PRIM2: variants seen among roughly 807,000 people sequenced by gnomAD.
PRIM2 encodes DNA primase large subunit.
A neutral mutation model predicts 67.3 loss-of-function variants in PRIM2; 39 were observed. The observed-to-expected ratio is 0.58, with a 90% CI of 0.45 to 0.76. The LOEUF (loss-of-function observed/expected upper bound fraction) is 0.76, where lower values mean the gene tolerates loss of function less well. PRIM2 is among the 30% of genes least tolerant of loss of function. The pLI is 0.00. For synonymous variants in PRIM2, 143 were observed against 198.7 expected, an observed-to-expected ratio of 0.72 and a Z score of 2.36; for missense variants, 398 against 598.7, an observed-to-expected ratio of 0.66 and a Z score of 3.50.
chr6:57,380,089 T>C (rs1769905581), intron 6 of PRIM2, 93 bp downstream of exon 6: 1 of 998,196 alleles, frequency 1.0e-6, no homozygotes, highest in Non-Finnish European at 1.5e-6. Context: ...TTATAGCCTC[T>C]CATCATCACA....
chr6:57,395,542 T>C (rs891756682), intron 7 of PRIM2, among the ~76,000 whole-genome samples: 1 of 152,182 alleles, frequency 6.6e-6, no homozygotes, highest in Admixed American at 6.5e-5. Context: ...GTTATTTGGA[T>C]TTTCTCCCTT....
intron 7 of PRIM2, among the ~76,000 whole-genome samples, chr6:57,486,861 G>C (rs1242493849): frequency 6.6e-6 from 1 of 152,140 alleles, no homozygotes; most frequent in Non-Finnish European, 1.5e-5. Flanking sequence ...TTCTGTGGTT[G>C]GTTATTTATA....
the PRIM2 span, among the ~76,000 whole-genome samples, chr6:57,283,186 TG>T: frequency 1.3e-5 from 2 of 152,216 alleles, no homozygotes; most frequent in African/African-American, 4.8e-5. Flanking sequence ...GCTTTCTGAG[TG>T]CCACTCATAT....
At chr6:57,240,385 G>A in the PRIM2 span, among the ~76,000 whole-genome samples, 2 of 152,192 alleles carry the variant, frequency 1.3e-5, no homozygotes, top group Non-Finnish European at 2.9e-5. Context: ...ACAGGTGTGA[G>A]CCACCACGCC....
In PRIM2 at chr6:57,381,986, A is replaced by G. The variant is rs1197949004; in HGVS notation, c.556-45A>G. ...TACATATGAAGACTTAGGATTTCTT[A>G]ATGACAGGTGCTGACTTATTTTGCC... On this transcript the variant is annotated intron_variant, in intron 6 of 13. Transcript: ENST00000615550. 4 of 1,556,076 alleles carry G rather than the reference A, an allele frequency of 2.6e-6. No individual in the cohort carries two copies. In the South Asian group the frequency reaches 3.6e-5, roughly 14 times the overall value.
At chr6:57,579,517 C>T (rs1332628599) in intron 10 of PRIM2, among the ~76,000 whole-genome samples, 1 of 152,078 alleles carries the variant, frequency 6.6e-6, no homozygotes, top group Non-Finnish European at 1.5e-5. Context: ...ATAAGTGAAA[C>T]ATCTCAGGAT....
At chr6:57,641,285 C>T (rs1264574732) in intron 13 of PRIM2, among the ~76,000 whole-genome samples, 1 of 151,902 alleles carries the variant, frequency 6.6e-6, no homozygotes, top group African/African-American at 2.4e-5. Context: ...CCATAAAAAC[C>T]CTAGAAGAAA....
the PRIM2 span, among the ~76,000 whole-genome samples, chr6:57,248,064 T>C: frequency 6.6e-6 from 1 of 152,340 alleles, no homozygotes; most frequent in South Asian, 2.1e-4. Flanking sequence ...TTAAGGAGTG[T>C]ACATAAGATC....
At chr6:57,627,524 G>A (rs1776972086) in intron 12 of PRIM2, among the ~76,000 whole-genome samples, 1 of 151,180 alleles carries the variant, frequency 6.6e-6, no homozygotes, top group African/African-American at 2.4e-5. Flanking sequence ...GAGTAGCTGG[G>A]ATTACAGACA....
At chr6:57,349,361 G>GT (rs1768786218) in intron 5 of PRIM2, among the ~76,000 whole-genome samples, 1 of 150,670 alleles carries the variant, frequency 6.6e-6, no homozygotes, top group Non-Finnish European at 1.5e-5. Context: ...TATTCCCGAT[G>GT]TTTTTGCTGA....
At position 57,443,709 on chromosome 6, in the gene PRIM2, A is replaced by G. The variant is rs551610286; in HGVS notation, c.693+61541A>G. On this transcript the variant is annotated intron_variant, in intron 7 of 13. Transcript: ENST00000615550. ...ACTTGGAAATATTTTCTCCCAATTCATAGGTTGTCTCTGCATATTGTTGTT... is the reference window on the plus strand; with the variant it reads ...ACTTGGAAATATTTTCTCCCAATTCGTAGGTTGTCTCTGCATATTGTTGTT... Among the ~76,000 whole-genome samples the G allele has an allele frequency of 3.3e-5, 5 of 152,084 alleles. No homozygotes were observed. The East Asian group carries it at 9.7e-4, about 29-fold the overall frequency.
At chr6:57,432,046 T>C (rs1771847796) in intron 7 of PRIM2, among the ~76,000 whole-genome samples, 1 of 152,332 alleles carries the variant, frequency 6.6e-6, no homozygotes, top group South Asian at 2.1e-4. Context: ...AATATGAATG[T>C]ATTCTAAGCC....
chr6:57,483,978 G>A (rs1380002032), intron 7 of PRIM2, among the ~76,000 whole-genome samples: 10 of 152,178 alleles, frequency 6.6e-5, no homozygotes, highest in African/African-American at 2.4e-4. Context: ...AGTGGCCTGA[G>A]TTTGGTCCTA....
intron 7 of PRIM2, among the ~76,000 whole-genome samples, chr6:57,401,957 G>T (rs1325388111): frequency 2.6e-5 from 4 of 152,316 alleles, no homozygotes; most frequent in African/African-American, 9.6e-5. Flanking sequence ...AGAGGCAGTG[G>T]CAGGGAGGCT....
intron 7 of PRIM2, chr6:57,382,863 A>G (rs1770011254): frequency 1.3e-5 from 2 of 152,170 alleles, no homozygotes; most frequent in African/African-American, 4.8e-5. Flanking sequence ...AACTGTACTG[A>G]TTATAGTGTA....
chr6:57,535,293 T>A (rs1195119826), intron 9 of PRIM2, among the ~76,000 whole-genome samples: 1 of 152,034 alleles, frequency 6.6e-6, no homozygotes, highest in African/African-American at 2.4e-5. Context: ...TCATGGGATA[T>A]TGAATAATCC....
intron 13 of PRIM2, among the ~76,000 whole-genome samples, chr6:57,639,122 T>C (rs1195552051): frequency 1.3e-5 from 2 of 152,144 alleles, no homozygotes; most frequent in African/African-American, 4.8e-5. Context: ...CACAACTACA[T>C]GGAAACTGAA....
At chr6:57,301,033 C>T in the PRIM2 span, among the ~76,000 whole-genome samples, 7 of 152,272 alleles carry the variant, frequency 4.6e-5, no homozygotes, top group South Asian at 2.1e-4. Context: ...TAAGATCTGA[C>T]GGTCCTAAGA....
At chr6:57,340,274 C>G (rs1768424965) in intron 5 of PRIM2, among the ~76,000 whole-genome samples, 1 of 152,162 alleles carries the variant, frequency 6.6e-6, no homozygotes, top group Non-Finnish European at 1.5e-5. Context: ...TAAACTAGTT[C>G]AACCATTGTG....
Sources: allele counts gnomAD v4.1 joint callset (sites outside exome capture counted in the v4.1 genomes callset), GRCh38; gene constraint gnomAD v4.1.1; transcripts MANE v1.5; gene names NCBI Gene and HGNC (gene_info 2026-07-23, HGNC 2026-07-21).